TSHZ3: variants seen among roughly 807,000 people sequenced by gnomAD.
TSHZ3 encodes the protein teashirt zinc finger homeobox 3, also known as teashirt homolog 3.
In TSHZ3, 10 loss-of-function variants were observed where a neutral mutation model predicts 64.5. The ratio of observed to expected loss-of-function variants is 0.16; its 90% CI spans 0.10 to 0.26. TSHZ3 has a LOEUF of 0.26. Among genes scored for constraint, TSHZ3 ranks in the 10% least tolerant of loss-of-function variants. TSHZ3 has a pLI of 1.00. For synonymous variants in TSHZ3, 608 were observed against 593.1 expected (o/e 1.03, Z -0.36); for missense variants, 1,242 against 1,421.7 (o/e 0.87, Z 2.03).
At chr19:31,290,701 G>T (rs1375101316) in intron 1 of TSHZ3, among the ~76,000 whole-genome samples, 1 of 152,098 alleles carries the variant, frequency 6.6e-6, no homozygotes, top group Non-Finnish European at 1.5e-5. Flanking sequence ...AGGGAGACCA[G>T]GGGCCTTCCA....
chr19:31,203,696 C>T (rs751924722), intron 5 of TSHZ3, among the ~76,000 whole-genome samples: 2 of 152,098 alleles, frequency 1.3e-5, no homozygotes, highest in Non-Finnish European at 2.9e-5. Context: ...CTCCTGAGCA[C>T]ACACACAGAG....
chr19:31,319,481 C>T (rs1315977700), intron 1 of TSHZ3, among the ~76,000 whole-genome samples: 2 of 152,062 alleles, frequency 1.3e-5, no homozygotes, highest in Non-Finnish European at 2.9e-5. Flanking sequence ...GGCTGAAACC[C>T]TAAGGTGAGC....
At chr19:31,238,051 A>C (rs1417940979) in intron 3 of TSHZ3, among the ~76,000 whole-genome samples, 3 of 152,182 alleles carry the variant, frequency 2.0e-5, no homozygotes, top group Non-Finnish European at 2.9e-5. Context: ...GTGCATTTGA[A>C]AATAATACAT....
At chr19:31,201,293 A>C (rs1975083258) in intron 5 of TSHZ3, among the ~76,000 whole-genome samples, 1 of 152,268 alleles carries the variant, frequency 6.6e-6, no homozygotes, top group Admixed American at 6.5e-5. Flanking sequence ...GAAAGTTATA[A>C]AATGACTTAA....
At position 31,349,422 on chromosome 19, in the gene TSHZ3, T is replaced by C; in HGVS notation, c.-203A>G. ...CGCGCTCCGCCGCGAACCCCGAACG[T>C]GCGGAGGGAAGAAGGAGGGCGGGCG... On this transcript the variant is annotated 5_prime_UTR_variant, in exon 1 of 2. Coordinates refer to ENST00000240587, the MANE Select transcript of TSHZ3 (RefSeq NM_020856.4). The C allele has an allele frequency of 2.5e-6, 1 of 397,814 alleles. No individual in the cohort carries two copies. Among genetic ancestry groups the C allele is most frequent in the East Asian group, 4.1e-5 (1 of 24,254 alleles). The allele number at this position is 397,814 out of a possible 1,614,324, so 24.6% of individuals were successfully genotyped here. A position where few individuals can be genotyped will look rare whatever the true frequency, so the allele number is the denominator to read the frequency against.
intron 1 of TSHZ3, among the ~76,000 whole-genome samples, chr19:31,335,979 C>T (rs1325100707): frequency 6.6e-6 from 1 of 152,192 alleles, no homozygotes; most frequent in Non-Finnish European, 1.5e-5. Context: ...ATCTGGCGTT[C>T]CCTGAAAACG....
intron 5 of TSHZ3, among the ~76,000 whole-genome samples, chr19:31,160,884 A>G (rs1381698336): frequency 6.6e-6 from 1 of 152,130 alleles, no homozygotes; most frequent in Non-Finnish European, 1.5e-5. Context: ...ATGAATATAT[A>G]TATATGCTTT....
intron 4 of TSHZ3, among the ~76,000 whole-genome samples, chr19:31,218,745 A>G (rs1214311785): frequency 1.3e-5 from 2 of 152,240 alleles, no homozygotes; most frequent in Non-Finnish European, 2.9e-5. Context: ...TCAGCCATAA[A>G]AAAGGCCTGG....
At chr19:31,181,730 C>T (rs1974718639) in intron 5 of TSHZ3, among the ~76,000 whole-genome samples, 1 of 152,200 alleles carries the variant, frequency 6.6e-6, no homozygotes, top group South Asian at 2.1e-4. Context: ...AAGGTACAGT[C>T]CCAGGCCAGG....
In TSHZ3 at chr19:31,278,096, G is replaced by C. The variant is rs776111487; in HGVS notation, c.1697C>G (p.Ser566Trp). Residue 566 changes from serine to tryptophan, a missense_variant, in exon 2 of 2, where the codon TCG (serine) becomes TGG (tryptophan). Ser to Trp is a radical substitution (Grantham distance 177, BLOSUM62 -3). This residue lies in a region of TSHZ3 where 550 missense variants were observed against 545.1 expected (regional missense o/e 1.01). Transcript: ENST00000240587. The surrounding 1 kb of genome is among the most constrained non-coding windows in gnomAD (Gnocchi z 4.7). ...TTTCAGGGGCGTGCTCTTCCCCGAC[G>C]AGCCCAGGGACAACTTCATCATGTT... is the stretch of plus-strand genomic sequence containing the variant. ...LPNMMKLSLG[S>W]SGKSTPLKPM... is the part of the protein sequence containing the mutation. 2 of 1,614,156 alleles carry C rather than the reference G, an allele frequency of 1.2e-6. No individual in the cohort carries two copies. The highest frequency in any genetic ancestry group is 1.7e-5 in the Admixed American group (1 of 60,024).
chr19:31,317,553 C>A (rs1340176482), intron 1 of TSHZ3, among the ~76,000 whole-genome samples: 1 of 152,150 alleles, frequency 6.6e-6, no homozygotes, highest in Non-Finnish European at 1.5e-5. Flanking sequence ...CACAGAAGGC[C>A]TAAGGAACTC....
At chr19:31,234,055 TC>T (rs1269546727) in intron 3 of TSHZ3, among the ~76,000 whole-genome samples, 1 of 152,138 alleles carries the variant, frequency 6.6e-6, no homozygotes, top group Non-Finnish European at 1.5e-5. Context: ...ACAGGACATG[TC>T]TTTCAGTTAA....
At chr19:31,265,868 G>T (rs1164832727) in intron 1 of TSHZ3, among the ~76,000 whole-genome samples, 9 of 152,210 alleles carry the variant, frequency 5.9e-5, no homozygotes, top group Admixed American at 5.9e-4. Context: ...GAAGGGTGGA[G>T]GGGCAGGTTC....
At chr19:31,209,559 C>T (rs1244890207) in intron 4 of TSHZ3, among the ~76,000 whole-genome samples, 4 of 152,142 alleles carry the variant, frequency 2.6e-5, no homozygotes, top group African/African-American at 9.7e-5. Flanking sequence ...TGTGCTAAGA[C>T]CAGAGCCAGG....
chr19:31,277,586 G>A lies in TSHZ3; in HGVS notation c.2207C>T (p.Ala736Val), dbSNP rs1274662900. Residue 736 changes from alanine (A) to valine (V), a missense_variant, in exon 2 of 2, where the codon GCC (alanine) becomes GTC (valine). Around this residue, in one of 4 missense-constraint regions of TSHZ3, gnomAD observed 550 missense variants for 545.1 expected, o/e 1.01. Coordinates refer to ENST00000240587, the MANE Select transcript of TSHZ3 (RefSeq NM_020856.4). This position sits in a 1 kb window ranked among gnomAD's most constrained non-coding sequence, Gnocchi z 4.5. ...QSVMNIHLGK[A>V]AKPSLPALDP... ...CAGGGCAGGCAGGGAGGGCTTGGCG[G>A]CCTTGCCCAGGTGAATGTTCATGAC... 1.3e-6 allele frequency: 2 copies of A among 1,594,796 alleles called. No individual in the cohort carries two copies. Among genetic ancestry groups the A allele is most frequent in the Non-Finnish European group, 1.7e-6 (2 of 1,170,166 alleles).
intron 1 of TSHZ3, among the ~76,000 whole-genome samples, chr19:31,320,193 G>C (rs569564929): frequency 2.3e-4 from 35 of 152,112 alleles, no homozygotes; most frequent in Middle Eastern, 3.2e-3. Flanking sequence ...ACATGACCAC[G>C]GGGCTTCTCC....
At chr19:31,273,305 A>G (rs1473289438), downstream of TSHZ3, among the ~76,000 whole-genome samples, 1 of 152,180 alleles carries the variant, frequency 6.6e-6, no homozygotes, top group Non-Finnish European at 1.5e-5. Context: ...CCCCACGTAT[A>G]TGAGCAGTCC....
chr19:31,192,617 A>G (rs986887073), intron 5 of TSHZ3, among the ~76,000 whole-genome samples: 1 of 152,114 alleles, frequency 6.6e-6, no homozygotes, highest in Non-Finnish European at 1.5e-5. Flanking sequence ...TTCTCAATGT[A>G]TTTCTTATTT....
chr19:31,196,172 G>T (rs1463976595), intron 5 of TSHZ3, among the ~76,000 whole-genome samples: 1 of 151,830 alleles, frequency 6.6e-6, no homozygotes, highest in African/African-American at 2.4e-5. Context: ...GGAGTATTTT[G>T]TTATTAAAGT....
Sources: gnomAD v4.1 joint callset for allele counts (sites outside exome capture counted in the v4.1 genomes callset) on GRCh38, gnomAD v4.1.1 for gene constraint, gnomAD v4.1.1 regional missense constraint, Gnocchi (gnomAD v3.1) non-coding constraint, MANE v1.5 for transcripts, NCBI Gene and HGNC (gene_info 2026-07-23, HGNC 2026-07-21) for gene names.